The following ITPR3 variants were observed in gnomAD, a reference collection of about 807,000 sequenced individuals.
ITPR3 encodes inositol 1,4,5-trisphosphate-gated calcium channel ITPR3.
A neutral mutation model predicts 293.2 loss-of-function variants in ITPR3; 173 were observed. The observed-to-expected ratio is 0.59, with a 90% CI of 0.52 to 0.67. The LOEUF (loss-of-function observed/expected upper bound fraction) is 0.67, where lower values mean the gene tolerates loss of function less well. Among genes scored for constraint, ITPR3 ranks in the 30% least tolerant of loss-of-function variants. The pLI, the probability that ITPR3 is intolerant of heterozygous loss-of-function variation, is 0.00. For synonymous variants in ITPR3, 1,295 were observed against 1,444.4 expected (o/e 0.90, Z 2.35); for missense variants, 2,796 against 3,592.1 (o/e 0.78, Z 5.66).
rs527881660 is a variant in ITPR3 at position 33,663,375 on chromosome 6, C to T, written c.955-125C>T. ...GGCTCCCCTGGAATGATATGGGCACCCCTGGGAGGGTGCAGCCTGCCTGCC... is the reference window on the plus strand; with the variant it reads ...GGCTCCCCTGGAATGATATGGGCACTCCTGGGAGGGTGCAGCCTGCCTGCC... On this transcript the variant is annotated intron_variant, in intron 9 of 57. Transcript: ENST00000605930. The T allele has an allele frequency of 1.8e-4, 141 of 775,328 alleles. 1 individual carries two copies. In the South Asian group the frequency reaches 2.0e-3, roughly 11 times the overall value. The allele number at this position is 775,328 out of a possible 1,614,324, so 48.0% of individuals were successfully genotyped here.
In ITPR3 at chr6:33,691,003, C is replaced by T. The variant is rs35506178; in HGVS notation, c.7119C>T (p.Ala2373=). 0.046 allele frequency: 74,830 copies of T among 1,614,126 alleles called. 2,026 individuals are homozygous for T. Among genetic ancestry groups the T allele is most frequent in the Non-Finnish European group, 0.052 (60,841 of 1,179,988 alleles). The part of the protein sequence containing the change: ...TRNGRSILLT[A]LLALILVYLF... ...ATGGCCGCTCCATCCTGCTGACAGC[C>T]CTGCTGGCCCTCATCCTGGTCTACC... Residue 2373 remains alanine (A), a synonymous_variant, in exon 52 of 58, where the codon GCC becomes GCT. Coordinates refer to ENST00000605930, the MANE Select transcript of ITPR3 (RefSeq NM_002224.4). The surrounding 1 kb of genome is among the most constrained non-coding windows in gnomAD (Gnocchi z 4.9).
Position 33,687,908 on chromosome 6 carries a change from A to G in ITPR3, c.6265-149A>G. The G allele has an allele frequency of 1.5e-6, 1 of 652,402 alleles. No individual in the cohort carries two copies. The highest frequency in any genetic ancestry group is 2.7e-6 in the Non-Finnish European group (1 of 375,830). The allele number at this position is 652,402 out of a possible 1,614,324, so 40.4% of individuals were successfully genotyped here. On this transcript the variant is annotated intron_variant, in intron 46 of 57. Transcript: ENST00000605930. This position sits in a 1 kb window ranked among gnomAD's most constrained non-coding sequence, Gnocchi z 5.3. ...CACCAGGTTCTCAAGGCTCAGTCCTAGTTGGGCTGGGCTTGGCCTGCTCTG... is the reference window on the plus strand; with the variant it reads ...CACCAGGTTCTCAAGGCTCAGTCCTGGTTGGGCTGGGCTTGGCCTGCTCTG...
rs767374802 is a variant in ITPR3, at chr6:33,672,119, G to A, written c.2819G>A (p.Ser940Asn). Residue 940 changes from serine to asparagine, a missense_variant, in exon 22 of 58, where the codon AGC becomes AAC. By Grantham distance (46) the Ser-to-Asn change is conservative. Coordinates refer to ENST00000605930, the MANE Select transcript of ITPR3 (RefSeq NM_002224.4). This position sits in a 1 kb window ranked among gnomAD's most constrained non-coding sequence, Gnocchi z 5.0. ...AAGCAGTCCGTCTTCAGTGCCCCCA[G>A]CCTGTCTGCTGGGGCCAGTGCTGCT... ...SRKQSVFSAP[S>N]LSAGASAAEP... 2.5e-6 allele frequency: 4 copies of A among 1,614,024 alleles called. No homozygotes were observed. The highest frequency in any genetic ancestry group is 3.4e-6 in the Non-Finnish European group (4 of 1,179,982).
rs963448520 is a variant in ITPR3, at chr6:33,633,469, G to C, written c.90-7015G>C. 6.6e-6 allele frequency among the ~76,000 whole-genome samples: 1 copy of C among 152,212 alleles called. No homozygotes were observed. Among genetic ancestry groups the C allele is most frequent in the African/African-American group, 2.4e-5 (1 of 41,462 alleles). On this transcript the variant is annotated intron_variant, in intron 1 of 57. Coordinates refer to ENST00000605930, the MANE Select transcript of ITPR3 (RefSeq NM_002224.4). This position sits in a 1 kb window ranked among gnomAD's most constrained non-coding sequence, Gnocchi z 5.2. ...AGGTGCCCGCCATGAGGAAGAGTCG[G>C]GGTGGGGCGCTAAGGCCAGGGACGT...
intron 2 of ITPR3, among the ~76,000 whole-genome samples, chr6:33,651,291 A>G (rs949377632): frequency 3.3e-5 from 5 of 151,782 alleles, no homozygotes; most frequent in Non-Finnish European, 5.9e-5. Flanking sequence ...AAAAAAAAAA[A>G]AAAAGAAAAG....
chr6:33,673,568 C>T (rs1033287546), intron 22 of ITPR3, 23 bp from the exon 23 acceptor site: 1 of 1,613,540 alleles, frequency 6.2e-7, no homozygotes, highest in Non-Finnish European at 8.5e-7. Flanking sequence ...CCATCCTCAC[C>T]TGACCTTTCC....
chr6:33,668,134 G>A (rs1764662422), intron 16 of ITPR3, among the ~76,000 whole-genome samples, 170 bp downstream of exon 16: 1 of 152,140 alleles, frequency 6.6e-6, no homozygotes, highest in Non-Finnish European at 1.5e-5. Flanking sequence ...CCCTTCTCTG[G>A]GATCCCCTAA....
rs571644616 is a variant in ITPR3 at position 33,695,554 on chromosome 6, G to A, written c.7948-158G>A. On this transcript the variant is annotated intron_variant, in intron 57 of 57. Coordinates refer to ENST00000605930, the MANE Select transcript of ITPR3 (RefSeq NM_002224.4). The stretch of plus-strand genomic sequence containing the variant: ...AGAACAAGGGTTTGGTGCTGACATC[G>A]ACATCCTTAAAGCACCCCGAGGGGC... The A allele has an allele frequency of 2.5e-5, 17 of 679,850 alleles. No homozygotes were observed. The East Asian group carries it at 4.3e-4, about 17-fold the overall frequency. The allele number at this position is 679,850 out of a possible 1,614,324, so 42.1% of individuals were successfully genotyped here. A position where few individuals can be genotyped will look rare whatever the true frequency, so the allele number is the denominator to read the frequency against.
rs1213624479 is a variant in ITPR3 at position 33,687,399 on chromosome 6, C to T, written c.6177+72C>T. The stretch of plus-strand genomic sequence containing the variant: ...TACCCCGCCCCAGCTGCCATCATCC[C>T]CCAGTCGCCATTGTCGCCCCCCAGC... On this transcript the variant is annotated intron_variant, in intron 45 of 57. Coordinates refer to ENST00000605930, the MANE Select transcript of ITPR3 (RefSeq NM_002224.4). This position sits in a 1 kb window ranked among gnomAD's most constrained non-coding sequence, Gnocchi z 5.3. 1 of 1,496,810 alleles carries T rather than the reference C, an allele frequency of 6.7e-7. No individual in the cohort carries two copies. The highest frequency in any genetic ancestry group is 9.2e-7 in the Non-Finnish European group (1 of 1,092,036). 92.7% of individuals were successfully genotyped at this position (1,496,810 alleles called of 1,614,324 possible).
intron 7 of ITPR3, among the ~76,000 whole-genome samples, chr6:33,660,464 T>TA: frequency 6.6e-6 from 1 of 152,164 alleles, no homozygotes; most frequent in East Asian, 1.9e-4. Context: ...TCATCCTTCT[T>TA]ACCTCCTGGG....
intron 20 of ITPR3, 94 bp from the exon 21 acceptor site, chr6:33,671,071 G>T: frequency 6.4e-7 from 1 of 1,557,908 alleles, no homozygotes. Flanking sequence ...CGCCCCTTTC[G>T]CCCTAGTTTC....
At chr6:33,689,979 C>G in intron 50 of ITPR3, 55 bp from the exon 51 acceptor site, 2 of 1,598,664 alleles carry the variant, frequency 1.3e-6, no homozygotes, top group Non-Finnish European at 1.7e-6. Flanking sequence ...GACATGCGTG[C>G]AGATTCAGCA....
intron 2 of ITPR3, among the ~76,000 whole-genome samples, chr6:33,652,392 G>A (rs896728235): frequency 6.6e-6 from 1 of 152,190 alleles, no homozygotes; most frequent in African/African-American, 2.4e-5. Context: ...TGCCCACCCC[G>A]AGTCTGGTGA....
chr6:33,633,692 C>T lies in ITPR3; in HGVS notation c.90-6792C>T, dbSNP rs1763738177. Among the ~76,000 whole-genome samples, 1 of 148,976 alleles carries T rather than the reference C, an allele frequency of 6.7e-6. No individual in the cohort carries two copies. Among genetic ancestry groups the T allele is most frequent in the African/African-American group, 2.4e-5 (1 of 41,044 alleles). On this transcript the variant is annotated intron_variant, in intron 1 of 57. Coordinates refer to ENST00000605930, the MANE Select transcript of ITPR3 (RefSeq NM_002224.4). This position sits in a 1 kb window ranked among gnomAD's most constrained non-coding sequence, Gnocchi z 5.2. ...GGCCGCGCTGGCCCTCCCTTGGCGG[C>T]GGCGGCGCGTCGTGGGAGACGGCTG...
At chr6:33,635,970 G>T (rs1763811621) in intron 1 of ITPR3, among the ~76,000 whole-genome samples, 1 of 151,802 alleles carries the variant, frequency 6.6e-6, no homozygotes. Flanking sequence ...GTGGAGTGCT[G>T]GCCTGATTTG....
Position 33,684,305 on chromosome 6 carries a change from C to T in ITPR3, c.4938-52C>T. 1 of 1,595,724 alleles carries T rather than the reference C, an allele frequency of 6.3e-7. No homozygotes were observed. The highest frequency in any genetic ancestry group is 8.6e-7 in the Non-Finnish European group (1 of 1,164,476). On this transcript the variant is annotated intron_variant, in intron 36 of 57. Coordinates refer to ENST00000605930, the MANE Select transcript of ITPR3 (RefSeq NM_002224.4). The surrounding 1 kb of genome is among the most constrained non-coding windows in gnomAD (Gnocchi z 4.2). ...TGCCTGGGATGGGGTGGGGAAGTAG[C>T]TGGAGGGAGGCAGTGTGGGGCTGCC...
rs775176857 is a variant in ITPR3 at position 33,672,213 on chromosome 6, C to A, written c.2913C>A (p.Ile971=). The change falls in exon 22 of 58, where the codon ATC becomes ATA. Residue 971 remains isoleucine (I), a synonymous_variant. Coordinates refer to ENST00000605930, the MANE Select transcript of ITPR3 (RefSeq NM_002224.4). The surrounding 1 kb of genome is among the most constrained non-coding windows in gnomAD (Gnocchi z 5.0). ...DIVVMETKLK[I]LEILQFILNV... ...TGGTGATGGAGACCAAGCTGAAGAT[C>A]CTGGAAATCCTTCAGGTGCCTGGGC... is the stretch of plus-strand genomic sequence containing the variant. 3.8e-5 allele frequency: 62 copies of A among 1,613,724 alleles called. 1 individual carries two copies. The highest frequency in any genetic ancestry group is 1.8e-4 in the South Asian group (16 of 91,028).
At position 33,683,467 on chromosome 6, in the gene ITPR3, A is replaced by C. The variant is rs1279398359; in HGVS notation, c.4788+70A>C. 1 of 1,271,304 alleles carries C rather than the reference A, an allele frequency of 7.9e-7. No homozygotes were observed. The highest frequency in any genetic ancestry group is 1.5e-5 in the African/African-American group (1 of 65,002). 78.8% of individuals were successfully genotyped at this position (1,271,304 alleles called of 1,614,324 possible). A position where few individuals can be genotyped will look rare whatever the true frequency, so the allele number is the denominator to read the frequency against. ...TGAGTCAGCAGCTCCCCTACTTTGG[A>C]GGGGCAAGTTCTCGGGGAGTGTTTC... On this transcript the variant is annotated intron_variant, in intron 35 of 57. Coordinates refer to ENST00000605930, the MANE Select transcript of ITPR3 (RefSeq NM_002224.4). This position sits in a 1 kb window ranked among gnomAD's most constrained non-coding sequence, Gnocchi z 4.5.
At position 33,665,932 on chromosome 6, in the gene ITPR3, C is replaced by A. The variant is rs765510584; in HGVS notation, c.1507C>A (p.Arg503=). The A allele has an allele frequency of 1.2e-6, 2 of 1,613,842 alleles. No individual in the cohort carries two copies. The change falls in exon 14 of 58, where the codon CGG becomes AGG. Residue 503 remains arginine, a synonymous_variant. Coordinates refer to ENST00000605930, the MANE Select transcript of ITPR3 (RefSeq NM_002224.4). ...GGACATCATGGTCACTAAGCCCAAC[C>A]GGGAACGGCAGAAGCTGATGAGGGA... ...VLDIMVTKPN[R]ERQKLMREQN... is the part of the protein sequence containing the mutation.
Sources: allele counts gnomAD v4.1 joint callset (sites outside exome capture counted in the v4.1 genomes callset), GRCh38; gene constraint gnomAD v4.1.1; non-coding constraint Gnocchi (gnomAD v3.1); transcripts MANE v1.5; gene names NCBI Gene and HGNC (gene_info 2026-07-23, HGNC 2026-07-21).